SVEP1: variants seen among roughly 807,000 people sequenced by gnomAD.
SVEP1 encodes sushi, von Willebrand factor type A, EGF and pentraxin domain-containing protein 1.
In SVEP1, 164 loss-of-function variants were observed where a neutral mutation model predicts 367.3. The ratio of observed to expected loss-of-function variants is 0.45; its 90% CI spans 0.39 to 0.51. The LOEUF is 0.51. Ranked by LOEUF, SVEP1 falls within the 20% of genes least tolerant of loss-of-function variation. The pLI is 0.00. For synonymous variants in SVEP1, 1,666 were observed against 1,611.6 expected, an observed-to-expected ratio of 1.03 and a Z score of -0.81; for missense variants, 4,117 against 4,425.3, an observed-to-expected ratio of 0.93 and a Z score of 1.98.
intron 34 of SVEP1, 113 bp from the exon 35 acceptor site, chr9:110,429,447 T>C: frequency 2.6e-6 from 2 of 758,404 alleles, no homozygotes; most frequent in East Asian, 3.0e-5. Flanking sequence ...GAAAAGTTGA[T>C]TTTTTTTCCT....
At chr9:110,418,900 T>C (rs1423229434) in intron 36 of SVEP1, among the ~76,000 whole-genome samples, 9 of 112,062 alleles carry the variant, frequency 8.0e-5, no homozygotes, top group Admixed American at 1.9e-4. Flanking sequence ...AAATACTTTA[T>C]AGACAAGCAA....
intron 1 of SVEP1, among the ~76,000 whole-genome samples, chr9:110,554,727 C>CAT (rs1830334487): frequency 1.3e-5 from 2 of 148,672 alleles, no homozygotes; most frequent in African/African-American, 4.9e-5. Context: ...TATAGATGTG[C>CAT]GTGTGTGTGT....
intron 3 of SVEP1, among the ~76,000 whole-genome samples, chr9:110,532,168 C>T (rs2118818944): frequency 6.6e-6 from 1 of 152,178 alleles, no homozygotes; most frequent in Non-Finnish European, 1.5e-5. Flanking sequence ...TACTCCAAGT[C>T]CATATGTTTT....
chr9:110,521,192 G>C (rs1186845503), intron 3 of SVEP1, among the ~76,000 whole-genome samples: 1 of 152,166 alleles, frequency 6.6e-6, no homozygotes, highest in Admixed American at 6.5e-5. Context: ...CTTTTTATGA[G>C]GCAGCCAAGA....
intron 3 of SVEP1, among the ~76,000 whole-genome samples, chr9:110,517,666 G>C (rs1470805816): frequency 6.7e-6 from 1 of 149,042 alleles, no homozygotes; most frequent in Non-Finnish European, 1.5e-5. Context: ...TCAGCTGCTT[G>C]GGAGGCTAAG....
intron 40 of SVEP1, among the ~76,000 whole-genome samples, chr9:110,394,407 C>T (rs998807174): frequency 1.3e-5 from 2 of 152,224 alleles, no homozygotes; most frequent in Admixed American, 6.5e-5. Context: ...GGGAAAAAAA[C>T]AGAGCAGAAT....
intron 3 of SVEP1, among the ~76,000 whole-genome samples, chr9:110,532,638 C>G (rs570320502): frequency 6.6e-6 from 1 of 152,228 alleles, no homozygotes; most frequent in East Asian, 1.9e-4. Context: ...AAAAGAATTA[C>G]AGTAGTGTTT....
At chr9:110,383,557 T>TGG (rs34448047) in intron 43 of SVEP1, among the ~76,000 whole-genome samples, 23 of 151,370 alleles carry the variant, frequency 1.5e-4, no homozygotes, top group East Asian at 3.9e-4. Context: ...ACCCCTGTTG[T>TGG]GGGGGGGTCT....
At chr9:110,388,508 C>CTTTTCAGTATTATATTAAA (rs1827561008) in intron 41 of SVEP1, among the ~76,000 whole-genome samples, 3 of 152,042 alleles carry the variant, frequency 2.0e-5, no homozygotes, top group African/African-American at 7.2e-5. Context: ...CTGAGGGCTA[C>CTTTTCAGTATTATATTAAA]TTTTCAGTAT....
chr9:110,472,034 T>C, intron 15 of SVEP1, 125 bp downstream of exon 15: 1 of 1,022,978 alleles, frequency 9.8e-7, no homozygotes, highest in South Asian at 1.6e-5. Context: ...TTAACTGTGC[T>C]TTCCCTAATT....
chr9:110,428,477 C>A (rs1315428330), intron 35 of SVEP1, among the ~76,000 whole-genome samples: 2 of 151,748 alleles, frequency 1.3e-5, no homozygotes, highest in South Asian at 2.1e-4. Flanking sequence ...TCTTGACATG[C>A]TTTTTCATAA....
chr9:110,378,098 T>C (rs1827378723), intron 44 of SVEP1, among the ~76,000 whole-genome samples: 1 of 150,844 alleles, frequency 6.6e-6, no homozygotes, highest in African/African-American at 2.4e-5. Context: ...TATTTTTATC[T>C]GCATGTCTAT....
At chr9:110,578,610 T>C (rs1035556269) in intron 1 of SVEP1, among the ~76,000 whole-genome samples, 5 of 152,186 alleles carry the variant, frequency 3.3e-5, no homozygotes, top group Non-Finnish European at 7.3e-5. Context: ...ATTGAAAGCA[T>C]AACATAACTT....
chr9:110,372,012 T>A (rs1441992798), intron 46 of SVEP1, among the ~76,000 whole-genome samples: 6 of 151,840 alleles, frequency 4.0e-5, no homozygotes, highest in Non-Finnish European at 7.3e-5. Flanking sequence ...CATCTTGCAC[T>A]TCGCATGTGA....
At chr9:110,467,668 C>T (rs143848323) in intron 17 of SVEP1, among the ~76,000 whole-genome samples, 209 of 146,622 alleles carry the variant, frequency 1.4e-3, no homozygotes, top group African/African-American at 5.0e-3. Flanking sequence ...TAGGGTCTTG[C>T]TCTGTCCCTC....
At chr9:110,538,231 A>G (rs1830103647) in intron 3 of SVEP1, among the ~76,000 whole-genome samples, 1 of 152,046 alleles carries the variant, frequency 6.6e-6, no homozygotes, top group Non-Finnish European at 1.5e-5. Flanking sequence ...GATTTAGGCA[A>G]CAGTTACAAA....
intron 18 of SVEP1, among the ~76,000 whole-genome samples, chr9:110,460,896 CTT>C (rs1379493185): frequency 2.0e-5 from 3 of 152,148 alleles, no homozygotes; most frequent in Non-Finnish European, 4.4e-5. Context: ...TTATGACTAA[CTT>C]ATACTGCTTG....
intron 1 of SVEP1, among the ~76,000 whole-genome samples, chr9:110,563,042 G>C (rs1321944845): frequency 6.6e-6 from 1 of 152,160 alleles, no homozygotes; most frequent in African/African-American, 2.4e-5. Flanking sequence ...TCATGTTTCA[G>C]ATGAAAGAGA....
At chr9:110,431,667 T>A (rs1057487074) in intron 32 of SVEP1, among the ~76,000 whole-genome samples, 1 of 152,186 alleles carries the variant, frequency 6.6e-6, no homozygotes, top group African/African-American at 2.4e-5. Flanking sequence ...CGTTTCAACA[T>A]TGTAGAATCA....
Sources: allele counts gnomAD v4.1 joint callset (sites outside exome capture counted in the v4.1 genomes callset), GRCh38; gene constraint gnomAD v4.1.1; transcripts MANE v1.5; gene names NCBI Gene and HGNC (gene_info 2026-07-23, HGNC 2026-07-21).